The following LATS1 variants were observed in gnomAD, a reference collection of about 807,000 sequenced individuals.
The protein encoded by LATS1 is serine/threonine-protein kinase LATS1.
LATS1 carries 25 observed loss-of-function variants against 106.6 expected under a neutral mutation model. That is an observed-to-expected ratio of 0.23 (90% CI 0.17 to 0.33). LATS1 has a LOEUF of 0.33. Among genes scored for constraint, LATS1 ranks in the 10% least tolerant of loss-of-function variants. The probability of loss-of-function intolerance (pLI) is 1.00; values close to 1 mark genes in which losing one functional copy is unlikely to be tolerated. For missense variants in LATS1, 1,040 were observed against 1,382.6 expected, an observed-to-expected ratio of 0.75 and a Z score of 3.93; for synonymous variants, 465 against 455.6, an observed-to-expected ratio of 1.02 and a Z score of -0.26.
intron 7 of LATS1, among the ~76,000 whole-genome samples, chr6:149,669,566 C>G (rs746447889): frequency 6.6e-6 from 1 of 151,904 alleles, no homozygotes; most frequent in Non-Finnish European, 1.5e-5. Context: ...TCAAGACCAG[C>G]CTGGGCAACA....
intron 5 of LATS1, among the ~76,000 whole-genome samples, chr6:149,679,408 C>T (rs1044192205): frequency 5.9e-5 from 9 of 151,724 alleles, no homozygotes; most frequent in Admixed American, 1.3e-4. Context: ...AAAAATTAGC[C>T]GGGCGTACTG....
chr6:149,710,682 T>C (rs1316830082), intron 1 of LATS1, among the ~76,000 whole-genome samples: 3 of 152,324 alleles, frequency 2.0e-5, no homozygotes, highest in South Asian at 2.1e-4. Flanking sequence ...TCATGTTTTA[T>C]AGTGGCAAAA....
chr6:149,701,470 G>A (rs1451080428), intron 2 of LATS1, among the ~76,000 whole-genome samples: 1 of 152,166 alleles, frequency 6.6e-6, no homozygotes, highest in African/African-American at 2.4e-5. Context: ...CACACAAACA[G>A]ATGTCCTTCC....
At chr6:149,670,505 T>G (rs1395043199) in intron 7 of LATS1, among the ~76,000 whole-genome samples, 2 of 152,022 alleles carry the variant, frequency 1.3e-5, no homozygotes, top group East Asian at 3.9e-4. Context: ...GTGAACCCAC[T>G]ACATCTACCA....
chr6:149,714,678 T>G (rs1784291005), intron 1 of LATS1, among the ~76,000 whole-genome samples: 1 of 152,126 alleles, frequency 6.6e-6, no homozygotes, highest in African/African-American at 2.4e-5. Context: ...TCAATATACC[T>G]TAAAATTATA....
chr6:149,677,509 G>A (rs1480676926), intron 5 of LATS1, among the ~76,000 whole-genome samples: 1 of 152,066 alleles, frequency 6.6e-6, no homozygotes, highest in Non-Finnish European at 1.5e-5. Context: ...TGCAGAGTTC[G>A]AAGCAAGAAG....
chr6:149,660,315 T>A lies in LATS1; in HGVS notation c.*1414A>T. 1 of 233,162 alleles carries A rather than the reference T, an allele frequency of 4.3e-6. No individual in the cohort carries two copies. The highest frequency in any genetic ancestry group is 8.5e-6 in the Non-Finnish European group (1 of 118,006). 14.4% of individuals were successfully genotyped at this position (233,162 alleles called of 1,614,324 possible). A position where few individuals can be genotyped will look rare whatever the true frequency, so the allele number is the denominator to read the frequency against. ...GGGAAGTGTGGGCTAATAAGTGTTC[T>A]TTGCCCTAACTCTCCAATTCAACTG... On this transcript the variant is annotated 3_prime_UTR_variant, in exon 8 of 8. Coordinates refer to ENST00000543571, the MANE Select transcript of LATS1 (RefSeq NM_004690.4).
At chr6:149,669,914 G>A (rs1228941509) in intron 7 of LATS1, among the ~76,000 whole-genome samples, 10 of 151,902 alleles carry the variant, frequency 6.6e-5, no homozygotes, top group Admixed American at 5.9e-4. Context: ...GCTCATGCCT[G>A]TAATCCCAAC....
chr6:149,713,501 G>A (rs2115027021), intron 1 of LATS1, among the ~76,000 whole-genome samples: 1 of 151,920 alleles, frequency 6.6e-6, no homozygotes, highest in African/African-American at 2.4e-5. Flanking sequence ...TCTCCATGTT[G>A]CCTAGGCTGG....
chr6:149,705,935 G>C (rs926196983), intron 1 of LATS1, among the ~76,000 whole-genome samples: 5 of 152,080 alleles, frequency 3.3e-5, no homozygotes, highest in African/African-American at 1.2e-4. Context: ...TATAATCCCA[G>C]CACTTTGGGA....
At chr6:149,679,797 A>G in intron 5 of LATS1, 78 bp downstream of exon 5, 3 of 1,083,562 alleles carry the variant, frequency 2.8e-6, no homozygotes, top group Non-Finnish European at 2.6e-6. Context: ...TCCAGTGATG[A>G]TACCATCTTA....
chr6:149,712,287 T>A (rs1175299372), intron 1 of LATS1, among the ~76,000 whole-genome samples: 1 of 152,126 alleles, frequency 6.6e-6, no homozygotes, highest in Non-Finnish European at 1.5e-5. Context: ...AACCTCCACC[T>A]CCCGGGTTCA....
intron 3 of LATS1, among the ~76,000 whole-genome samples, chr6:149,689,546 G>C (rs1782600668): frequency 6.6e-6 from 1 of 151,952 alleles, no homozygotes; most frequent in South Asian, 2.1e-4. Context: ...AAAAGAAAAA[G>C]TGATGCAGTG....
At chr6:149,681,769 G>C (rs1782042958) in intron 4 of LATS1, among the ~76,000 whole-genome samples, 1 of 152,184 alleles carries the variant, frequency 6.6e-6, no homozygotes, top group Admixed American at 6.5e-5. Flanking sequence ...CTTGGATTGT[G>C]AGTGACAGAT....
In LATS1 at chr6:149,684,457, A is replaced by G; in HGVS notation, c.632T>C (p.Val211Ala). The G allele has an allele frequency of 2.5e-6, 4 of 1,614,136 alleles. No individual in the cohort carries two copies. Among genetic ancestry groups the G allele is most frequent in the Non-Finnish European group, 3.4e-6 (4 of 1,180,016 alleles). The change falls in exon 4 of 8, where the codon GTA becomes GCA. Residue 211 changes from valine to alanine, a missense_variant. Physicochemically the swap from Val to Ala is moderately conservative, Grantham distance 64 (BLOSUM62 0). Around this residue, in one of 7 missense-constraint regions of LATS1, gnomAD observed 624 missense variants for 714.8 expected, o/e 0.87. Transcript: ENST00000543571. Reference protein sequence around the residue: ...HSESPNSQTDVGRPLSGSGIS... With the variant: ...HSESPNSQTDAGRPLSGSGIS... ...ACCAGATCCAGACAAAGGTCTTCCTACATCTGTCTGTGAGTTGGGACTCTC... is the reference window on the plus strand; with the variant it reads ...ACCAGATCCAGACAAAGGTCTTCCTGCATCTGTCTGTGAGTTGGGACTCTC...
At chr6:149,670,501 C>G (rs1781389411) in intron 7 of LATS1, among the ~76,000 whole-genome samples, 1 of 151,916 alleles carries the variant, frequency 6.6e-6, no homozygotes, top group Non-Finnish European at 1.5e-5. Flanking sequence ...GTGTGTGAAC[C>G]CACTACATCT....
chr6:149,715,595 ATTAG>A (rs1046954440), intron 1 of LATS1, among the ~76,000 whole-genome samples: 4 of 152,172 alleles, frequency 2.6e-5, no homozygotes, highest in African/African-American at 9.7e-5. Context: ...ACATAACGAA[ATTAG>A]TTAATAAAAA....
intron 7 of LATS1, among the ~76,000 whole-genome samples, chr6:149,666,837 G>A (rs781242072): frequency 3.2e-4 from 49 of 151,628 alleles, no homozygotes; most frequent in South Asian, 6.2e-4. Context: ...ACCTACTCCC[G>A]GGAGGCTGAG....
At chr6:149,688,461 A>G (rs2114857981) in intron 3 of LATS1, among the ~76,000 whole-genome samples, 1 of 152,054 alleles carries the variant, frequency 6.6e-6, no homozygotes, top group East Asian at 2.0e-4. Context: ...GGCGCCCACC[A>G]CCACGCCTGG....
Sources: allele counts gnomAD v4.1 joint callset (sites outside exome capture counted in the v4.1 genomes callset), GRCh38; gene constraint gnomAD v4.1.1; regional missense constraint gnomAD v4.1.1; transcripts MANE v1.5; gene names NCBI Gene and HGNC (gene_info 2026-07-23, HGNC 2026-07-21).